The following ZCWPW2 variants were observed in gnomAD, a reference collection of about 807,000 sequenced individuals.
ZCWPW2 encodes zinc finger CW-type and PWWP domain containing 2, also known as zinc finger CW-type PWWP domain protein 2.
A neutral mutation model predicts 46.6 loss-of-function variants in ZCWPW2; 45 were observed. The observed-to-expected ratio is 0.96, with a 90% CI of 0.76 to 1.24. ZCWPW2 has a LOEUF of 1.24. Ranked by LOEUF, ZCWPW2 falls within the 50% of genes most tolerant of loss-of-function variation. The pLI, the probability that ZCWPW2 is intolerant of heterozygous loss-of-function variation, is 0.00. For synonymous variants in ZCWPW2, 152 were observed against 137.1 expected (o/e 1.11, Z -0.76); for missense variants, 429 against 403.9 (o/e 1.06, Z -0.53).
chr3:28,385,439 G>A (rs1695235028), intron 1 of ZCWPW2, among the ~76,000 whole-genome samples: 3 of 152,210 alleles, frequency 2.0e-5, no homozygotes, highest in Admixed American at 2.0e-4. Context: ...TGATGTGGAA[G>A]AACTTTTATT....
rs781252688 is a variant in ZCWPW2 at position 28,478,878 on chromosome 3, A to G, written c.557A>G (p.Tyr186Cys). 22 of 1,590,332 alleles carry G rather than the reference A, an allele frequency of 1.4e-5. No individual in the cohort carries two copies. Among genetic ancestry groups the G allele is most frequent in the Admixed American group, 1.1e-4 (6 of 55,020 alleles). ...GCACTACAAGAAGCATGTCTACTCT[A>G]TGGATATTCTCATGAGCAAAGACTG... ...KSALQEACLL[Y>C]GYSHEQRLEM... The change falls in exon 5 of 10, where the codon TAT becomes TGT. Residue 186 changes from tyrosine (Y) to cysteine (C), a missense_variant. Physicochemically the swap from Tyr to Cys is radical, Grantham distance 194. Transcript: ENST00000383768.
At chr3:28,392,910 G>T (rs1409766936) in intron 2 of ZCWPW2, among the ~76,000 whole-genome samples, 3 of 151,746 alleles carry the variant, frequency 2.0e-5, no homozygotes, top group African/African-American at 7.2e-5. Flanking sequence ...AAAACAAACA[G>T]CCCAAAGTTA....
chr3:28,456,046 TAGC>T (rs1367897588), intron 4 of ZCWPW2, among the ~76,000 whole-genome samples: 2 of 152,210 alleles, frequency 1.3e-5, no homozygotes, highest in Non-Finnish European at 2.9e-5. Context: ...CTAATGGGAA[TAGC>T]ATTGAATCTA....
At chr3:28,441,926 C>T (rs1697775445) in intron 4 of ZCWPW2, among the ~76,000 whole-genome samples, 1 of 152,134 alleles carries the variant, frequency 6.6e-6, no homozygotes, top group African/African-American at 2.4e-5. Context: ...GGGCCTTGCT[C>T]CAAAATCCTG....
At chr3:28,363,178 T>C (rs988090840) in intron 1 of ZCWPW2, among the ~76,000 whole-genome samples, 8 of 152,138 alleles carry the variant, frequency 5.3e-5, no homozygotes, top group Admixed American at 5.2e-4. Context: ...TGAGTTTCCC[T>C]GTCTAACATG....
chr3:28,440,462 C>T (rs1238898168), intron 4 of ZCWPW2, among the ~76,000 whole-genome samples: 1 of 152,106 alleles, frequency 6.6e-6, no homozygotes, highest in African/African-American at 2.4e-5. Flanking sequence ...GATTCCTGGA[C>T]CTGTGAATCC....
chr3:28,525,793 T>A lies in ZCWPW2; in HGVS notation c.*1105T>A, dbSNP rs191443418. On this transcript the variant is annotated 3_prime_UTR_variant, in exon 10 of 10. Transcript: ENST00000383768. ...GAGATAGACTCACAACGGTGAAATA[T>A]CTTATTTGTCAAAGTAAAGTATGTA... Among the ~76,000 whole-genome samples, 2 of 152,296 alleles carry A rather than the reference T, an allele frequency of 1.3e-5. No homozygotes were observed. Among genetic ancestry groups the A allele is most frequent in the Admixed American group, 1.3e-4 (2 of 15,272 alleles).
intron 1 of ZCWPW2, among the ~76,000 whole-genome samples, chr3:28,369,317 C>T (rs1490473243): frequency 1.3e-5 from 2 of 152,074 alleles, no homozygotes; most frequent in African/African-American, 2.4e-5. Flanking sequence ...ATGATGGTGA[C>T]GTACAGATGG....
At chr3:28,397,302 CTA>C (rs781209515) in intron 2 of ZCWPW2, among the ~76,000 whole-genome samples, 1 of 152,132 alleles carries the variant, frequency 6.6e-6, no homozygotes, top group Admixed American at 6.5e-5. Flanking sequence ...AACGCAAAAA[CTA>C]TGTAATATTT....
intron 2 of ZCWPW2, among the ~76,000 whole-genome samples, chr3:28,393,871 A>G (rs2125720683): frequency 6.6e-6 from 1 of 152,240 alleles, no homozygotes; most frequent in South Asian, 2.1e-4. Flanking sequence ...CTCTAACAAG[A>G]CAAGCATACC....
At chr3:28,384,406 CG>C (rs1239268703) in intron 1 of ZCWPW2, among the ~76,000 whole-genome samples, 1 of 152,052 alleles carries the variant, frequency 6.6e-6, no homozygotes, top group Non-Finnish European at 1.5e-5. Context: ...AGCAACCTTA[CG>C]GCTTCCCTGC....
At chr3:28,392,459 C>G (rs1695531404) in intron 2 of ZCWPW2, among the ~76,000 whole-genome samples, 1 of 152,100 alleles carries the variant, frequency 6.6e-6, no homozygotes, top group Non-Finnish European at 1.5e-5. Context: ...CACTTTGGAC[C>G]TAATGGACCT....
intron 2 of ZCWPW2, among the ~76,000 whole-genome samples, chr3:28,410,809 A>G (rs1696370711): frequency 6.6e-6 from 1 of 152,024 alleles, no homozygotes; most frequent in Non-Finnish European, 1.5e-5. Flanking sequence ...GCAGCTATTC[A>G]TTAAATAGAA....
chr3:28,353,903 C>A (rs1169194180), intron 1 of ZCWPW2, among the ~76,000 whole-genome samples: 1 of 152,126 alleles, frequency 6.6e-6, no homozygotes, highest in Non-Finnish European at 1.5e-5. Context: ...TCCTATACTT[C>A]TTATTAAATG....
chr3:28,400,022 TA>T (rs1337769101), intron 2 of ZCWPW2, among the ~76,000 whole-genome samples: 4 of 149,366 alleles, frequency 2.7e-5, no homozygotes, highest in East Asian at 2.0e-4. Flanking sequence ...TGTAAGGAAA[TA>T]AAAAAAAATG....
intron 9 of ZCWPW2, 46 bp downstream of exon 9, chr3:28,521,162 C>A: frequency 1.9e-6 from 3 of 1,551,546 alleles, no homozygotes; most frequent in Non-Finnish European, 2.6e-6. Flanking sequence ...ACTTCAAATT[C>A]TTTAAACAGC....
intron 8 of ZCWPW2, among the ~76,000 whole-genome samples, chr3:28,519,215 A>T (rs1285510624): frequency 6.6e-6 from 1 of 152,210 alleles, no homozygotes; most frequent in Non-Finnish European, 1.5e-5. Context: ...GGAGTTGCTT[A>T]TCAGAAAGCT....
chr3:28,377,619 T>C (rs1705545757), intron 1 of ZCWPW2, among the ~76,000 whole-genome samples: 2 of 152,094 alleles, frequency 1.3e-5, no homozygotes, highest in Admixed American at 1.3e-4. Context: ...CAAAGGTCAA[T>C]TGAGAATGGG....
intron 4 of ZCWPW2, among the ~76,000 whole-genome samples, chr3:28,472,098 T>G (rs1260202045): frequency 6.6e-6 from 1 of 152,162 alleles, no homozygotes; most frequent in Non-Finnish European, 1.5e-5. Flanking sequence ...TGGAGACATA[T>G]TTCATGTTTA....
Sources: gnomAD v4.1 joint callset for allele counts (sites outside exome capture counted in the v4.1 genomes callset) on GRCh38, gnomAD v4.1.1 for gene constraint, MANE v1.5 for transcripts, NCBI Gene and HGNC (gene_info 2026-07-23, HGNC 2026-07-21) for gene names.